Variants in ATRNL1 observed in about 807,000 individuals in gnomAD.
ATRNL1 encodes the protein attractin-like protein 1.
ATRNL1 carries 95 observed loss-of-function variants against 182.7 expected under a neutral mutation model. The observed-to-expected ratio is 0.52, with a 90% CI of 0.44 to 0.62. The LOEUF (loss-of-function observed/expected upper bound fraction) is 0.62, where lower values mean the gene tolerates loss of function less well. Among genes scored for constraint, ATRNL1 ranks in the 20% least tolerant of loss-of-function variants. The pLI, the probability that ATRNL1 is intolerant of heterozygous loss-of-function variation, is 0.00. For synonymous variants in ATRNL1, 576 were observed against 568.3 expected (o/e 1.01, Z -0.19); for missense variants, 1,471 against 1,679.5 (o/e 0.88, Z 2.17).
intron 19 of ATRNL1, among the ~76,000 whole-genome samples, chr10:115,389,582 A>G (rs1363152512): frequency 3.8e-5 from 4 of 106,538 alleles, no homozygotes; most frequent in African/African-American, 7.1e-5. Flanking sequence ...ATATATATAT[A>G]TATATATATT....
chr10:115,479,097 T>C (rs1406001152), intron 24 of ATRNL1, among the ~76,000 whole-genome samples: 1 of 151,596 alleles, frequency 6.6e-6, no homozygotes, highest in Admixed American at 6.6e-5. Flanking sequence ...TTGGCAAAAT[T>C]CACTGGTTCT....
chr10:115,536,136 C>T (rs549944902), intron 25 of ATRNL1, among the ~76,000 whole-genome samples: 5 of 152,126 alleles, frequency 3.3e-5, no homozygotes, highest in African/African-American at 1.2e-4. Flanking sequence ...CTGCTCTCTT[C>T]GAAGCTGTCA....
At chr10:115,404,514 C>A (rs1267264207) in intron 20 of ATRNL1, among the ~76,000 whole-genome samples, 1 of 152,164 alleles carries the variant, frequency 6.6e-6, no homozygotes, top group Non-Finnish European at 1.5e-5. Context: ...GGACCAAGAC[C>A]TTTTCTCCAA....
At chr10:115,538,002 T>G (rs1203097641) in intron 25 of ATRNL1, among the ~76,000 whole-genome samples, 1 of 152,190 alleles carries the variant, frequency 6.6e-6, no homozygotes, top group Non-Finnish European at 1.5e-5. Context: ...GCATTTAAGA[T>G]TCATCCAAGG....
chr10:115,723,534 G>GTATTTATTAATTTATT (rs1947497783), intron 26 of ATRNL1, among the ~76,000 whole-genome samples: 1 of 148,118 alleles, frequency 6.8e-6, no homozygotes, highest in East Asian at 2.0e-4. Context: ...CTTTTCTTTT[G>GTATTTATTAATTTATT]TATTTATTTA....
At chr10:115,423,431 G>A (rs1369570537) in intron 20 of ATRNL1, among the ~76,000 whole-genome samples, 1 of 152,096 alleles carries the variant, frequency 6.6e-6, no homozygotes, top group African/African-American at 2.4e-5. Context: ...GGGAGGCTGA[G>A]GTGGGAGAAT....
At chr10:115,816,843 C>T (rs1210207502) in intron 27 of ATRNL1, among the ~76,000 whole-genome samples, 1 of 152,112 alleles carries the variant, frequency 6.6e-6, no homozygotes, top group Non-Finnish European at 1.5e-5. Context: ...CATACTATGC[C>T]TCTGAAATAT....
chr10:115,250,091 T>C (rs551353883), intron 10 of ATRNL1, among the ~76,000 whole-genome samples: 5 of 152,284 alleles, frequency 3.3e-5, no homozygotes, highest in African/African-American at 1.2e-4. Flanking sequence ...GGTGTTGATG[T>C]AACAGTGGTG....
intron 15 of ATRNL1, among the ~76,000 whole-genome samples, chr10:115,292,574 CAGTCTCA>C (rs1852971581): frequency 6.6e-6 from 1 of 151,956 alleles, no homozygotes; most frequent in Admixed American, 6.6e-5. Context: ...CTGTTTTCAG[CAGTCTCA>C]AGTAATTTTT....
At chr10:115,403,203 T>G (rs993415956) in intron 20 of ATRNL1, among the ~76,000 whole-genome samples, 1 of 151,432 alleles carries the variant, frequency 6.6e-6, no homozygotes, top group Non-Finnish European at 1.5e-5. Context: ...CTAGGGACTT[T>G]AGATTTTTAA....
chr10:115,638,030 A>G (rs1555028873), intron 26 of ATRNL1, among the ~76,000 whole-genome samples: 1 of 152,150 alleles, frequency 6.6e-6, no homozygotes, highest in Non-Finnish European at 1.5e-5. Flanking sequence ...TACAGTTTTT[A>G]TAAAGTAGTA....
intron 21 of ATRNL1, among the ~76,000 whole-genome samples, chr10:115,438,276 A>G (rs904317792): frequency 1.3e-5 from 2 of 151,998 alleles, no homozygotes; most frequent in Non-Finnish European, 2.9e-5. Context: ...ATATAAAGAT[A>G]TTTCCAGTAT....
At chr10:115,459,516 G>A (rs544387368) in intron 21 of ATRNL1, among the ~76,000 whole-genome samples, 13 of 152,176 alleles carry the variant, frequency 8.5e-5, no homozygotes, top group South Asian at 4.1e-4. Flanking sequence ...CTCCCATAGC[G>A]CTCCCAGGCT....
Position 115,459,960 on chromosome 10 carries a change from G to C in ATRNL1, c.3323-1981G>C, listed in dbSNP as rs189170116. On this transcript the variant is annotated intron_variant, in intron 21 of 28. Coordinates refer to ENST00000355044, the MANE Select transcript of ATRNL1 (RefSeq NM_207303.4). ...AAGTGATTATCGGGGCAGGTCCCCT[G>C]ATAACTTTTGAATCTCACTCAGCTG... Among the ~76,000 whole-genome samples, 404 of 152,272 alleles carry C rather than the reference G, an allele frequency of 2.7e-3. 3 individuals are homozygous for C. The highest frequency in any genetic ancestry group is 9.3e-3 in the African/African-American group (385 of 41,574).
intron 18 of ATRNL1, among the ~76,000 whole-genome samples, chr10:115,324,295 A>G (rs1295820682): frequency 6.6e-6 from 1 of 152,090 alleles, no homozygotes; most frequent in Admixed American, 6.6e-5. Context: ...AACTCTACCC[A>G]GTTATTTGTG....
At chr10:115,600,831 C>T (rs1474109946) in intron 26 of ATRNL1, among the ~76,000 whole-genome samples, 3 of 150,958 alleles carry the variant, frequency 2.0e-5, no homozygotes, top group Non-Finnish European at 4.4e-5. Flanking sequence ...CCATTTTTTT[C>T]TAAATATTTA....
At chr10:115,696,810 G>A (rs187235453) in intron 26 of ATRNL1, among the ~76,000 whole-genome samples, 50 of 151,798 alleles carry the variant, frequency 3.3e-4, no homozygotes, top group Admixed American at 1.8e-3. Context: ...GAGGCTTCAG[G>A]AAACTTATAA....
At chr10:115,795,782 C>T (rs1438190649) in intron 27 of ATRNL1, among the ~76,000 whole-genome samples, 1 of 152,126 alleles carries the variant, frequency 6.6e-6, no homozygotes, top group Non-Finnish European at 1.5e-5. Context: ...AAGTGCTAAA[C>T]CACTGGAAAC....
chr10:115,681,203 T>G (rs955945977), intron 26 of ATRNL1, among the ~76,000 whole-genome samples: 1 of 152,142 alleles, frequency 6.6e-6, no homozygotes, highest in South Asian at 2.1e-4. Flanking sequence ...ATTAATAGGA[T>G]TATTAAAAAT....
Sources: allele counts gnomAD v4.1 joint callset (sites outside exome capture counted in the v4.1 genomes callset), GRCh38; gene constraint gnomAD v4.1.1; transcripts MANE v1.5; gene names NCBI Gene and HGNC (gene_info 2026-07-23, HGNC 2026-07-21).